Variants in NOXRED1 observed in about 807,000 individuals in gnomAD.
The protein encoded by NOXRED1 is NADP-dependent oxidoreductase domain-containing protein 1.
Under a neutral mutation model 30.4 loss-of-function variants are expected in NOXRED1, and 20 were observed. That is an observed-to-expected ratio of 0.66 (90% confidence interval 0.46 to 0.96). The LOEUF is 0.96. Among genes scored for constraint, NOXRED1 ranks in the 40% least tolerant of loss-of-function variants. The pLI is 0.00. For missense variants in NOXRED1, 374 were observed against 428.0 expected (o/e 0.87, Z 1.11); for synonymous variants, 155 against 168.0 (o/e 0.92, Z 0.60).
At chr14:77,425,969 T>A (rs1384903627), upstream of NOXRED1, among the ~76,000 whole-genome samples, 1 of 152,224 alleles carries the variant, frequency 6.6e-6, no homozygotes, top group Non-Finnish European at 1.5e-5. Context: ...CACGTGCCTG[T>A]AGTCCCAGCT....
At chr14:77,396,757 A>G (rs2055919708) in intron 5 of NOXRED1, among the ~76,000 whole-genome samples, 1 of 152,216 alleles carries the variant, frequency 6.6e-6, no homozygotes, top group Non-Finnish European at 1.5e-5. Context: ...GACTTGCATA[A>G]TAAAAACTAT....
rs1182617453 is a variant in NOXRED1 at position 77,407,625 on chromosome 14, T to C, written c.370A>G (p.Ile124Val). The change falls in exon 3 of 6, where the codon ATC becomes GTC. Residue 124 changes from isoleucine (I) to valine (V), a missense_variant. Transcript: ENST00000380835. ...ETLGELQKLG[I>V]KCFYHNADLV... ...TCAGCGTTATGGTAAAAGCATTTGATTCCCAGCTTCTGGAGCTCACCTGGG... is the reference window on the plus strand; with the variant it reads ...TCAGCGTTATGGTAAAAGCATTTGACTCCCAGCTTCTGGAGCTCACCTGGG... The C allele has an allele frequency of 5.0e-6, 8 of 1,614,108 alleles. No individual in the cohort carries two copies. Among genetic ancestry groups the C allele is most frequent in the East Asian group, 2.2e-5 (1 of 44,890 alleles).
At chr14:77,421,542 G>C (rs1387179212) in intron 1 of NOXRED1, among the ~76,000 whole-genome samples, 2 of 152,068 alleles carry the variant, frequency 1.3e-5, no homozygotes, top group African/African-American at 4.8e-5. Context: ...ACACATAAAT[G>C]GTTTATAAAA....
intron 2 of NOXRED1, among the ~76,000 whole-genome samples, chr14:77,408,138 G>T (rs921252342): frequency 1.4e-4 from 21 of 152,286 alleles, no homozygotes; most frequent in African/African-American, 5.1e-4. Flanking sequence ...AAAGTGCAGG[G>T]ATTACAGGCG....
In NOXRED1 at chr14:77,406,131, TC is replaced by T. The variant is rs770427069; in HGVS notation, c.686del (p.Gly229GlufsTer2). 6.2e-7 allele frequency: 1 copy of T among 1,607,260 alleles called. No homozygotes were observed. The highest frequency in any genetic ancestry group is 1.1e-5 in the South Asian group (1 of 90,744). On this transcript the variant is annotated frameshift_variant, in exon 5 of 6. Coordinates refer to ENST00000380835, the MANE Select transcript of NOXRED1 (RefSeq NM_001113475.3). LOFTEE classifies it high-confidence loss of function. ...QATCPYSPAGGIILNIKWLEG... is the reference protein window; with the variant it reads ...QATCPYSPAGXIILNIKWLEG... ...CCAACCACTTGATATTGAGGATTAT[TC>T]CCCCTACACATCAATGAGAAGGTAA...
At chr14:77,418,229 G>T (rs2139699209) in intron 1 of NOXRED1, among the ~76,000 whole-genome samples, 1 of 151,934 alleles carries the variant, frequency 6.6e-6, no homozygotes, top group East Asian at 1.9e-4. Context: ...TGATCTCCTG[G>T]GCTCAGGTGA....
At chr14:77,403,897 C>G (rs1378678462) in intron 5 of NOXRED1, among the ~76,000 whole-genome samples, 9 of 152,118 alleles carry the variant, frequency 5.9e-5, no homozygotes, top group Non-Finnish European at 1.2e-4. Flanking sequence ...GAAGCAATGC[C>G]TCAAAATTCT....
chr14:77,415,963 C>T (rs1001831895), intron 1 of NOXRED1, among the ~76,000 whole-genome samples: 2 of 152,138 alleles, frequency 1.3e-5, no homozygotes, highest in African/African-American at 4.8e-5. Context: ...GATCCGCCCA[C>T]CTCCGCCTCC....
intron 5 of NOXRED1, among the ~76,000 whole-genome samples, chr14:77,405,086 G>A (rs949635164): frequency 5.3e-5 from 8 of 152,096 alleles, no homozygotes; most frequent in African/African-American, 1.9e-4. Flanking sequence ...TGGTACAAGT[G>A]CACAAAGTAC....
At chr14:77,407,402 CAGAAGTCAGAGATAAGG>C in intron 3 of NOXRED1, 46 bp downstream of exon 3, 1 of 1,240,146 alleles carries the variant, frequency 8.1e-7, no homozygotes. Flanking sequence ...AGGTGGGAGG[CAGAAGTCAGAGATAAGG>C]AGACAGAGCA....
intron 2 of NOXRED1, among the ~76,000 whole-genome samples, 168 bp from the exon 3 acceptor site, chr14:77,407,813 C>A (rs559935954): frequency 1.7e-3 from 261 of 152,030 alleles, no homozygotes; most frequent in African/African-American, 6.0e-3. Context: ...AGCCACGCAG[C>A]AATGCCCTAA....
chr14:77,421,258 G>T (rs1894985506), intron 1 of NOXRED1, among the ~76,000 whole-genome samples: 2 of 152,274 alleles, frequency 1.3e-5, no homozygotes, highest in Middle Eastern at 3.4e-3. Context: ...TACCTCTCCA[G>T]GGCACTACAA....
chr14:77,413,761 C>T (rs114094584), intron 2 of NOXRED1, among the ~76,000 whole-genome samples, 173 bp downstream of exon 2: 1,572 of 152,230 alleles, frequency 0.01, 24 homozygotes, highest in African/African-American at 0.036. Context: ...GAAAAAAAGT[C>T]GCTTTAAAGA....
At chr14:77,405,861 T>C in intron 5 of NOXRED1, 52 bp downstream of exon 5, 1 of 1,074,892 alleles carries the variant, frequency 9.3e-7, no homozygotes. Flanking sequence ...AAGCATTAAC[T>C]AAGAGAAGAG....
intron 1 of NOXRED1, among the ~76,000 whole-genome samples, chr14:77,414,832 T>C (rs762274149): frequency 3.3e-5 from 5 of 152,108 alleles, no homozygotes; most frequent in African/African-American, 4.8e-5. Flanking sequence ...AGTCCCCTCA[T>C]GTTTTGTTTG....
intron 1 of NOXRED1, among the ~76,000 whole-genome samples, chr14:77,414,458 C>T (rs980963728): frequency 6.6e-6 from 1 of 152,074 alleles, no homozygotes; most frequent in Non-Finnish European, 1.5e-5. Context: ...GGATTACAGG[C>T]GAGAGCCACC....
chr14:77,401,965 C>T (rs1894336366), intron 5 of NOXRED1, among the ~76,000 whole-genome samples: 1 of 152,276 alleles, frequency 6.6e-6, no homozygotes, highest in South Asian at 2.1e-4. Flanking sequence ...GGTACTGAAG[C>T]ACTTGGATAT....
At chr14:77,407,393 G>A in intron 3 of NOXRED1, 72 bp downstream of exon 3, 1 of 1,085,030 alleles carries the variant, frequency 9.2e-7, no homozygotes, top group East Asian at 2.4e-5. Context: ...CTACAGTGGA[G>A]GTGGGAGGCA....
intron 1 of NOXRED1, among the ~76,000 whole-genome samples, chr14:77,419,515 C>T (rs1285001282): frequency 9.5e-5 from 12 of 126,332 alleles, no homozygotes; most frequent in African/African-American, 3.6e-4. Flanking sequence ...GTGGTGCAAT[C>T]GTGGCTCACT....
Sources: gnomAD v4.1 joint callset for allele counts (sites outside exome capture counted in the v4.1 genomes callset) on GRCh38, gnomAD v4.1.1 for gene constraint, MANE v1.5 for transcripts, NCBI Gene and HGNC (gene_info 2026-07-23, HGNC 2026-07-21) for gene names.